Variants in KCNIP4 observed in about 807,000 individuals in gnomAD.
KCNIP4 encodes Kv channel-interacting protein 4.
In KCNIP4, 12 loss-of-function variants were observed where a neutral mutation model predicts 34.0. The observed-to-expected ratio is 0.35, with a 90% confidence interval of 0.23 to 0.57. The LOEUF (loss-of-function observed/expected upper bound fraction) is 0.57. KCNIP4 is among the 20% of genes least tolerant of loss of function. The pLI, the probability that KCNIP4 is intolerant of heterozygous loss-of-function variation, is 0.83. For synonymous variants in KCNIP4, 124 were observed against 102.2 expected (o/e 1.21, Z -1.29); for missense variants, 238 against 311.7 (o/e 0.76, Z 1.78).
chr4:20,748,492 T>A (rs936330122), intron 5 of KCNIP4, among the ~76,000 whole-genome samples: 1 of 148,438 alleles, frequency 6.7e-6, no homozygotes, highest in Non-Finnish European at 1.5e-5. Context: ...AGAGCTCTCA[T>A]CAAAATTTCT....
intron 1 of KCNIP4, among the ~76,000 whole-genome samples, chr4:21,815,603 G>A (rs910401104): frequency 6.6e-6 from 1 of 152,070 alleles, no homozygotes; most frequent in Non-Finnish European, 1.5e-5. Context: ...TGTGCAGACT[G>A]ACATCTACAA....
At chr4:21,342,130 G>A (rs573176461) in intron 1 of KCNIP4, among the ~76,000 whole-genome samples, 1 of 152,162 alleles carries the variant, frequency 6.6e-6, no homozygotes, top group East Asian at 1.9e-4. Flanking sequence ...CCCTGCATAA[G>A]CTAGCTAAGA....
chr4:21,463,322 G>A (rs1372554951), intron 1 of KCNIP4, among the ~76,000 whole-genome samples: 1 of 151,862 alleles, frequency 6.6e-6, no homozygotes, highest in South Asian at 2.1e-4. Flanking sequence ...CTTTTTTTGA[G>A]AAATGTCTAG....
chr4:21,096,695 C>T (rs1747484655), intron 1 of KCNIP4, among the ~76,000 whole-genome samples: 1 of 152,030 alleles, frequency 6.6e-6, no homozygotes, highest in Non-Finnish European at 1.5e-5. Context: ...TAAATATATT[C>T]ATTTACAATA....
At chr4:20,736,668 G>C (rs1318257304) in intron 5 of KCNIP4, among the ~76,000 whole-genome samples, 1 of 151,906 alleles carries the variant, frequency 6.6e-6, no homozygotes, top group Non-Finnish European at 1.5e-5. Context: ...TCTTGAACTT[G>C]AGAATATTTC....
intron 1 of KCNIP4, among the ~76,000 whole-genome samples, chr4:21,589,772 G>C (rs181572293): frequency 5.9e-5 from 9 of 151,998 alleles, no homozygotes; most frequent in Admixed American, 3.9e-4. Context: ...GTAAATTACA[G>C]AGGATAGGGA....
At chr4:21,649,604 T>C (rs1223293434) in intron 1 of KCNIP4, among the ~76,000 whole-genome samples, 5 of 152,186 alleles carry the variant, frequency 3.3e-5, no homozygotes, top group African/African-American at 9.6e-5. Flanking sequence ...AAGTCCCCTG[T>C]AGGGTAATAA....
chr4:20,832,926 T>G (rs1718601055), intron 3 of KCNIP4, among the ~76,000 whole-genome samples: 1 of 152,124 alleles, frequency 6.6e-6, no homozygotes, highest in Non-Finnish European at 1.5e-5. Flanking sequence ...AAGGCATGCT[T>G]TCTTTTATTA....
At chr4:21,903,890 G>A (rs1182258402) in intron 1 of KCNIP4, among the ~76,000 whole-genome samples, 1 of 151,844 alleles carries the variant, frequency 6.6e-6, no homozygotes, top group Non-Finnish European at 1.5e-5. Flanking sequence ...TATTTCAAAG[G>A]CATTTTATTT....
chr4:20,966,559 T>C (rs1734371120), intron 1 of KCNIP4, among the ~76,000 whole-genome samples: 1 of 152,222 alleles, frequency 6.6e-6, no homozygotes, highest in Non-Finnish European at 1.5e-5. Context: ...TACTGATTGC[T>C]AGTTCATAAT....
At chr4:21,171,845 A>G (rs1754044302) in intron 1 of KCNIP4, among the ~76,000 whole-genome samples, 1 of 152,134 alleles carries the variant, frequency 6.6e-6, no homozygotes, top group African/African-American at 2.4e-5. Context: ...AGCCTCCAAG[A>G]CACAAGGAGT....
At chr4:21,618,060 G>T (rs1744723448) in intron 1 of KCNIP4, among the ~76,000 whole-genome samples, 1 of 152,174 alleles carries the variant, frequency 6.6e-6, no homozygotes, top group African/African-American at 2.4e-5. Flanking sequence ...GTATACCACT[G>T]ATGGTACATA....
At chr4:21,697,340 A>G (rs1353473893) in intron 1 of KCNIP4, 1 of 1,449,964 alleles carries the variant, frequency 6.9e-7, no homozygotes, top group South Asian at 1.5e-5. Context: ...AAAAAAAAAA[A>G]AGTCATTACC....
chr4:21,110,695 C>T (rs1749087292), intron 1 of KCNIP4, among the ~76,000 whole-genome samples: 1 of 152,130 alleles, frequency 6.6e-6, no homozygotes, highest in South Asian at 2.1e-4. Context: ...CTTTGAGAGG[C>T]AATTAGGTCA....
At chr4:21,509,499 G>A (rs991969440) in intron 1 of KCNIP4, among the ~76,000 whole-genome samples, 2 of 152,112 alleles carry the variant, frequency 1.3e-5, no homozygotes, top group African/African-American at 4.8e-5. Flanking sequence ...CAGTGCTGTA[G>A]GCATTTGCTG....
chr4:21,071,722 C>A (rs1439123483), intron 1 of KCNIP4, among the ~76,000 whole-genome samples: 1 of 152,006 alleles, frequency 6.6e-6, no homozygotes, highest in South Asian at 2.1e-4. Context: ...ATACATGTGC[C>A]ATGTTGGTGT....
intron 1 of KCNIP4, among the ~76,000 whole-genome samples, chr4:21,424,378 C>G (rs1284335980): frequency 2.0e-5 from 3 of 151,644 alleles, no homozygotes; most frequent in Non-Finnish European, 4.4e-5. Flanking sequence ...CGAGACCAGC[C>G]TGACCAACAT....
intron 1 of KCNIP4, among the ~76,000 whole-genome samples, chr4:21,039,226 G>A (rs1465366294): frequency 1.3e-5 from 2 of 152,080 alleles, no homozygotes; most frequent in South Asian, 2.1e-4. Flanking sequence ...GCTGGACATG[G>A]TGGTGTGCAC....
intron 1 of KCNIP4, among the ~76,000 whole-genome samples, chr4:21,013,466 GTCGACCAGC>G (rs543239968): frequency 8.1e-4 from 123 of 152,002 alleles, no homozygotes; most frequent in African/African-American, 2.8e-3. Flanking sequence ...CAGGCATGGG[GTCGACCAGC>G]TCTCTCCAGT....
Sources: gnomAD v4.1 joint callset for allele counts (sites outside exome capture counted in the v4.1 genomes callset) on GRCh38, gnomAD v4.1.1 for gene constraint, MANE v1.5 for transcripts, NCBI Gene and HGNC (gene_info 2026-07-23, HGNC 2026-07-21) for gene names.